The following DNM2 variants were observed in gnomAD, a reference collection of about 807,000 sequenced individuals.
The protein encoded by DNM2 is dynamin 2.
In DNM2, 15 loss-of-function variants were observed where a neutral mutation model predicts 99.0. The observed-to-expected ratio is 0.15, with a 90% CI of 0.10 to 0.23. The LOEUF is 0.23. Among genes scored for constraint, DNM2 ranks in the 10% least tolerant of loss-of-function variants. The pLI, the probability that DNM2 is intolerant of heterozygous loss-of-function variation, is 1.00. For synonymous variants in DNM2, 525 were observed against 481.2 expected, an observed-to-expected ratio of 1.09 and a Z score of -1.19; for missense variants, 742 against 1,189.4, an observed-to-expected ratio of 0.62 and a Z score of 5.53.
intron 2 of DNM2, among the ~76,000 whole-genome samples, chr19:10,770,941 C>T (rs977493519): frequency 9.2e-5 from 14 of 152,240 alleles, no homozygotes; most frequent in Non-Finnish European, 8.8e-5. Flanking sequence ...TACAGGTGTG[C>T]GCCAACATGC....
Position 10,812,259 on chromosome 19 carries a change from C to T in DNM2, c.1558-5C>T. 1.3e-6 allele frequency: 2 copies of T among 1,591,628 alleles called. No individual in the cohort carries two copies. The highest frequency in any genetic ancestry group is 1.7e-4 in the Middle Eastern group (1 of 6,030). Reference sequence around the variant, plus strand: ...TTCCCTGCTAAGCTGCGCGCTTTCCCCCAGGTGATCCGCAGGGGCTGGCTG... The same window carrying T: ...TTCCCTGCTAAGCTGCGCGCTTTCCTCCAGGTGATCCGCAGGGGCTGGCTG... On this transcript the variant is annotated splice_region_variant and splice_polypyrimidine_tract_variant and intron_variant, in intron 14 of 20. Transcript: ENST00000389253. The surrounding 1 kb of genome is among the most constrained non-coding windows in gnomAD (Gnocchi z 4.0).
chr19:10,761,772 A>G (rs894677058), intron 2 of DNM2, among the ~76,000 whole-genome samples: 3 of 152,028 alleles, frequency 2.0e-5, no homozygotes, highest in Middle Eastern at 3.2e-3. Flanking sequence ...AAGACTCCTC[A>G]CTTTCGTCCT....
Position 10,818,923 on chromosome 19 carries a change from T to C in DNM2, c.1672-1057T>C, listed in dbSNP as rs1459033491. Among the ~76,000 whole-genome samples the C allele has an allele frequency of 2.0e-5, 3 of 152,126 alleles. No individual in the cohort carries two copies. Among genetic ancestry groups the C allele is most frequent in the African/African-American group, 7.2e-5 (3 of 41,432 alleles). On this transcript the variant is annotated intron_variant, in intron 15 of 20. Transcript: ENST00000389253. The surrounding 1 kb of genome is among the most constrained non-coding windows in gnomAD (Gnocchi z 4.3). ...GGATCCGTGAACTGAGACCAAGCAG[T>C]GCATGGCATGGGTCCCCAAGAGCTG...
At position 10,811,724 on chromosome 19, in the gene DNM2, A is replaced by G; in HGVS notation, c.1558-540A>G. ...CCCCACGCAGATGACAGCTACAGCCACACAATCCCCATCCATGGGGTCTCC... is the reference window on the plus strand; with the variant it reads ...CCCCACGCAGATGACAGCTACAGCCGCACAATCCCCATCCATGGGGTCTCC... On this transcript the variant is annotated intron_variant, in intron 14 of 20. Coordinates refer to ENST00000389253, the MANE Select transcript of DNM2 (RefSeq NM_001005361.3). This position sits in a 1 kb window ranked among gnomAD's most constrained non-coding sequence, Gnocchi z 5.4. The G allele has an allele frequency of 1.9e-6, 1 of 518,526 alleles. No homozygotes were observed. Among genetic ancestry groups the G allele is most frequent in the Non-Finnish European group, 3.9e-6 (1 of 259,730 alleles). 32.1% of individuals were successfully genotyped at this position (518,526 alleles called of 1,614,324 possible).
intron 1 of DNM2, among the ~76,000 whole-genome samples, chr19:10,725,837 T>G (rs2069096492): frequency 6.6e-6 from 1 of 152,082 alleles, no homozygotes; most frequent in Non-Finnish European, 1.5e-5. Context: ...CACTGCAGCC[T>G]CCAACTCCTG....
chr19:10,818,172 G>C lies in DNM2; in HGVS notation c.1672-1808G>C. On this transcript the variant is annotated intron_variant, in intron 15 of 20. Coordinates refer to ENST00000389253, the MANE Select transcript of DNM2 (RefSeq NM_001005361.3). This position sits in a 1 kb window ranked among gnomAD's most constrained non-coding sequence, Gnocchi z 4.3. ...TTTCTTCATCACCTTCCCTCCCTTG[G>C]GTCCGCAGCGGCATCCCTCCCTCCA... 6.6e-6 allele frequency among the ~76,000 whole-genome samples: 1 copy of C among 151,036 alleles called. No homozygotes were observed. The highest frequency in any genetic ancestry group is 2.0e-4 in the East Asian group (1 of 4,932).
chr19:10,778,285 G>A (rs1434110520), intron 5 of DNM2, among the ~76,000 whole-genome samples: 1 of 151,640 alleles, frequency 6.6e-6, no homozygotes, highest in East Asian at 2.0e-4. Context: ...CACCCGCCTC[G>A]GCCTCCCAAA....
In DNM2 at chr19:10,811,788, A is replaced by C. The variant is rs145796434; in HGVS notation, c.1558-476A>C. 1 of 518,438 alleles carries C rather than the reference A, an allele frequency of 1.9e-6. No individual in the cohort carries two copies. The highest frequency in any genetic ancestry group is 1.9e-5 in the African/African-American group (1 of 52,066). The allele number at this position is 518,438 out of a possible 1,614,324, so 32.1% of individuals were successfully genotyped here. On this transcript the variant is annotated intron_variant, in intron 14 of 20. Coordinates refer to ENST00000389253, the MANE Select transcript of DNM2 (RefSeq NM_001005361.3). The surrounding 1 kb of genome is among the most constrained non-coding windows in gnomAD (Gnocchi z 5.4). ...TGATGTGTCAGTCAAAAGGATGACC[A>C]CCAGGCTTGCAGCCAGCTTGGGACA...
chr19:10,778,900 T>C (rs2145937165), intron 5 of DNM2, among the ~76,000 whole-genome samples: 1 of 152,182 alleles, frequency 6.6e-6, no homozygotes, highest in East Asian at 1.9e-4. Flanking sequence ...CTAAGTATTT[T>C]TTATTTTATT....
Position 10,812,507 on chromosome 19 carries a change from C to T in DNM2, c.1671+130C>T, listed in dbSNP as rs1417746521. ...CTGAGTCACCATTAGGACTGTAACT[C>T]GCCGGGCACGGTGGCTCCCGCCTGT... On this transcript the variant is annotated intron_variant, in intron 15 of 20. Transcript: ENST00000389253. This position sits in a 1 kb window ranked among gnomAD's most constrained non-coding sequence, Gnocchi z 4.0. The T allele has an allele frequency of 1.6e-5, 11 of 702,910 alleles. No homozygotes were observed. Among genetic ancestry groups the T allele is most frequent in the East Asian group, 1.3e-4 (4 of 30,286 alleles). 43.5% of individuals were successfully genotyped at this position (702,910 alleles called of 1,614,324 possible).
At chr19:10,739,592 C>A (rs548312163) in intron 1 of DNM2, among the ~76,000 whole-genome samples, 1 of 152,080 alleles carries the variant, frequency 6.6e-6, no homozygotes, top group Admixed American at 6.6e-5. Flanking sequence ...CAGTGGCGCA[C>A]GCCTGTAATC....
At chr19:10,773,187 G>C (rs150726286) in intron 3 of DNM2, among the ~76,000 whole-genome samples, 2 of 139,504 alleles carry the variant, frequency 1.4e-5, no homozygotes, top group Admixed American at 7.7e-5. Context: ...TCGCTCTGTC[G>C]CCCAGACTGG....
intron 1 of DNM2, among the ~76,000 whole-genome samples, chr19:10,745,191 C>T (rs145241511): frequency 1.3e-5 from 2 of 152,300 alleles, no homozygotes; most frequent in African/African-American, 2.4e-5. Context: ...TAATCCAGTC[C>T]GTGCATCGCA....
intron 1 of DNM2, among the ~76,000 whole-genome samples, chr19:10,728,960 CTG>C (rs1248625709): frequency 2.0e-5 from 3 of 147,494 alleles, no homozygotes; most frequent in African/African-American, 7.5e-5. Context: ...AAAAAAAAGG[CTG>C]TATGCGGTGG....
At chr19:10,748,723 GACTGA>G (rs2070086253) in intron 1 of DNM2, among the ~76,000 whole-genome samples, 3 of 152,220 alleles carry the variant, frequency 2.0e-5, no homozygotes. Context: ...CAAGTCCTGA[GACTGA>G]ACCTCAGTCC....
At chr19:10,788,232 CAAA>C (rs55881063) in intron 7 of DNM2, among the ~76,000 whole-genome samples, 5 of 56,982 alleles carry the variant, frequency 8.8e-5, no homozygotes, top group East Asian at 5.5e-4. Flanking sequence ...GACTCCGTCT[CAAA>C]AAAAAAAAAA....
intron 13 of DNM2, among the ~76,000 whole-genome samples, chr19:10,807,918 G>A (rs1430575418): frequency 2.7e-5 from 4 of 150,286 alleles, no homozygotes; most frequent in Admixed American, 1.3e-4. Context: ...CGAGGCGGGC[G>A]GATCACCTGA....
intron 12 of DNM2, among the ~76,000 whole-genome samples, chr19:10,803,121 G>A (rs369426249): frequency 1.3e-4 from 20 of 152,186 alleles, no homozygotes; most frequent in East Asian, 3.9e-4. Context: ...GACCCAGGGC[G>A]TTAAGGTGTA....
At chr19:10,798,056 GT>G (rs2072000124) in intron 10 of DNM2, among the ~76,000 whole-genome samples, 1 of 152,116 alleles carries the variant, frequency 6.6e-6, no homozygotes. Flanking sequence ...TCTGCAAGGA[GT>G]TCCTATCGAG....
Sources: allele counts gnomAD v4.1 joint callset (sites outside exome capture counted in the v4.1 genomes callset), GRCh38; gene constraint gnomAD v4.1.1; non-coding constraint Gnocchi (gnomAD v3.1); transcripts MANE v1.5; gene names NCBI Gene and HGNC (gene_info 2026-07-23, HGNC 2026-07-21).